FRMD3: variants seen among roughly 807,000 people sequenced by gnomAD.
The protein encoded by FRMD3 is FERM domain-containing protein 3.
In FRMD3, 33 loss-of-function variants were observed where a neutral mutation model predicts 70.2. That is an observed-to-expected ratio of 0.47 (90% CI 0.36 to 0.63). The LOEUF (loss-of-function observed/expected upper bound fraction) is 0.63. FRMD3 is among the 20% of genes least tolerant of loss of function. The pLI is 0.00. For synonymous variants in FRMD3, 279 were observed against 255.9 expected (o/e 1.09, Z -0.86); for missense variants, 632 against 711.4 (o/e 0.89, Z 1.27).
chr9:83,293,882 C>G (rs1040113986), intron 12 of FRMD3, among the ~76,000 whole-genome samples: 1 of 152,190 alleles, frequency 6.6e-6, no homozygotes. Context: ...AAGTATAAGA[C>G]TCAGATAAAC....
At chr9:83,480,747 G>A (rs531834090) in intron 1 of FRMD3, among the ~76,000 whole-genome samples, 9 of 152,100 alleles carry the variant, frequency 5.9e-5, no homozygotes, top group South Asian at 2.1e-4. Context: ...CACCTGCCTC[G>A]GCCTCACAAA....
chr9:83,289,736 T>C (rs942757356), intron 13 of FRMD3, among the ~76,000 whole-genome samples: 5 of 152,214 alleles, frequency 3.3e-5, no homozygotes, highest in Non-Finnish European at 7.3e-5. Context: ...AGAAAAAGCA[T>C]GTTTGTATTC....
intron 3 of FRMD3, among the ~76,000 whole-genome samples, chr9:83,368,502 T>C (rs1824863043): frequency 6.6e-6 from 1 of 151,988 alleles, no homozygotes; most frequent in Non-Finnish European, 1.5e-5. Context: ...ATTAAAATAT[T>C]AGCATCTCTT....
chr9:83,331,916 A>C (rs1381197337), intron 6 of FRMD3: 4 of 715,600 alleles, frequency 5.6e-6, no homozygotes, highest in Non-Finnish European at 1.0e-5. Flanking sequence ...AGTCCTGATC[A>C]GAGAGTTGTA....
At chr9:83,491,897 G>A (rs1247049266) in intron 1 of FRMD3, among the ~76,000 whole-genome samples, 1 of 152,218 alleles carries the variant, frequency 6.6e-6, no homozygotes, top group Non-Finnish European at 1.5e-5. Flanking sequence ...CTGGGGAGGA[G>A]AAAACAAGAA....
chr9:83,441,080 G>A (rs1162245851), intron 1 of FRMD3, among the ~76,000 whole-genome samples: 1 of 152,160 alleles, frequency 6.6e-6, no homozygotes, highest in Non-Finnish European at 1.5e-5. Context: ...GGGTCACTGT[G>A]TGACCACGAT....
intron 1 of FRMD3, among the ~76,000 whole-genome samples, chr9:83,436,856 T>C (rs976826332): frequency 1.4e-5 from 2 of 147,858 alleles, no homozygotes; most frequent in South Asian, 2.2e-4. Flanking sequence ...CTAGGAGCCA[T>C]ATCCCTGAAA....
At chr9:83,512,624 A>G (rs7043959) in intron 1 of FRMD3, among the ~76,000 whole-genome samples, 118,184 of 152,074 alleles carry the variant, frequency 0.78, 46,345 homozygotes, top group African/African-American at 0.89. Flanking sequence ...TGCATGTCAC[A>G]CTCATGTACC....
At chr9:83,553,446 T>C in the FRMD3 span, among the ~76,000 whole-genome samples, 1 of 152,214 alleles carries the variant, frequency 6.6e-6, no homozygotes, top group Admixed American at 6.5e-5. Flanking sequence ...GAAGATTATG[T>C]GTCTTGGGGA....
chr9:83,552,908 G>A, the FRMD3 span, among the ~76,000 whole-genome samples: 1 of 151,946 alleles, frequency 6.6e-6, no homozygotes, highest in Non-Finnish European at 1.5e-5. Context: ...CATACCATTG[G>A]ATCTTGCTTT....
chr9:83,410,512 GT>G (rs931310542), intron 1 of FRMD3, among the ~76,000 whole-genome samples: 33 of 152,316 alleles, frequency 2.2e-4, no homozygotes, highest in African/African-American at 7.7e-4. Flanking sequence ...ATTCCACTGT[GT>G]ATAGGTACCA....
At chr9:83,521,465 GA>G (rs1829570235) in intron 1 of FRMD3, among the ~76,000 whole-genome samples, 1 of 152,118 alleles carries the variant, frequency 6.6e-6, no homozygotes, top group African/African-American at 2.4e-5. Context: ...TAGCCTGGGT[GA>G]AAAAATGAGA....
intron 13 of FRMD3, among the ~76,000 whole-genome samples, chr9:83,287,601 C>T (rs3739658): frequency 0.55 from 83,182 of 151,946 alleles, 24,343 homozygotes; most frequent in South Asian, 0.78. Context: ...CCTTCACCAT[C>T]CCCCAGAACC....
At chr9:83,298,908 G>T in intron 11 of FRMD3, 92 bp from the exon 12 acceptor site, 1 of 1,259,024 alleles carries the variant, frequency 7.9e-7, no homozygotes, top group Non-Finnish European at 1.2e-6. Flanking sequence ...CTTCACAGGT[G>T]TCTGACCCAG....
At chr9:83,569,863 G>T in the FRMD3 span, among the ~76,000 whole-genome samples, 1 of 152,108 alleles carries the variant, frequency 6.6e-6, no homozygotes, top group South Asian at 2.1e-4. Context: ...AGCTTCAATT[G>T]TATTTCCCAG....
chr9:83,420,897 T>C (rs1826614408), intron 1 of FRMD3, among the ~76,000 whole-genome samples: 1 of 151,582 alleles, frequency 6.6e-6, no homozygotes, highest in African/African-American at 2.4e-5. Context: ...CCATGCTTCC[T>C]GTACAGCCTA....
intron 13 of FRMD3, among the ~76,000 whole-genome samples, chr9:83,272,414 G>A (rs201537989): frequency 6.6e-6 from 1 of 152,048 alleles, no homozygotes; most frequent in Non-Finnish European, 1.5e-5. Flanking sequence ...AGTGCTCAAT[G>A]TTGCCCAGGC....
intron 2 of FRMD3, among the ~76,000 whole-genome samples, chr9:83,383,599 T>C (rs1825423502): frequency 6.6e-6 from 1 of 152,230 alleles, no homozygotes; most frequent in Admixed American, 6.5e-5. Context: ...AAGCCTCCAG[T>C]GAGTACTTTA....
At chr9:83,563,647 G>A in the FRMD3 span, among the ~76,000 whole-genome samples, 2 of 151,926 alleles carry the variant, frequency 1.3e-5, no homozygotes, top group Non-Finnish European at 2.9e-5. Context: ...ATCCCTCCTC[G>A]CCCTCTCAAA....
Sources: allele counts gnomAD v4.1 joint callset (sites outside exome capture counted in the v4.1 genomes callset), GRCh38; gene constraint gnomAD v4.1.1; transcripts MANE v1.5; gene names NCBI Gene and HGNC (gene_info 2026-07-23, HGNC 2026-07-21).